The following C1QTNF8 variants were observed in gnomAD, a reference collection of about 807,000 sequenced individuals.
C1QTNF8 encodes C1q and TNF related 8.
A neutral mutation model predicts 19.2 loss-of-function variants in C1QTNF8; 27 were observed. The ratio of observed to expected loss-of-function variants is 1.41; its 90% CI spans 1.04 to 1.94. C1QTNF8 has a LOEUF of 1.94. Ranked by LOEUF, C1QTNF8 falls within the 30% of genes most tolerant of loss-of-function variation. The probability of loss-of-function intolerance (pLI) is 0.00; values close to 1 mark genes in which losing one functional copy is unlikely to be tolerated. For missense variants in C1QTNF8, 484 were observed against 374.4 expected (o/e 1.29, Z -2.42); for synonymous variants, 208 against 172.8 (o/e 1.20, Z -1.60).
intron 4 of C1QTNF8, among the ~76,000 whole-genome samples, chr16:1,090,832 G>A (rs1447622600): frequency 1.3e-5 from 2 of 152,232 alleles, no homozygotes; most frequent in Admixed American, 1.3e-4. Context: ...CAACAGGGAG[G>A]GTCACTGTTC....
intron 2 of C1QTNF8, among the ~76,000 whole-genome samples, chr16:1,095,259 G>A (rs1430559427): frequency 1.3e-5 from 2 of 152,224 alleles, no homozygotes; most frequent in South Asian, 2.1e-4. Flanking sequence ...ACTCAGGAGC[G>A]GGTAGCCGCC....
At position 1,093,621 on chromosome 16, in the gene C1QTNF8, C is replaced by A; in HGVS notation, c.639G>T (p.Ala213=). ...ACATGCGCACCCAGACGGCGTCGCCCGCCGCCAGCAGCAGCATCAGGCTCT... is the reference window on the plus strand; with the variant it reads ...ACATGCGCACCCAGACGGCGTCGCCAGCCGCCAGCAGCAGCATCAGGCTCT... The part of the protein sequence containing the change: ...QAQSLMLLLA[A]GDAVWVRMFQ... Residue 213 remains alanine, a synonymous_variant, in exon 4 of 5, where the codon GCG becomes GCT. Coordinates refer to ENST00000328449, the MANE Select transcript of C1QTNF8 (RefSeq NM_207419.3). The A allele has an allele frequency of 1.2e-6, 2 of 1,607,158 alleles. No individual in the cohort carries two copies. Among genetic ancestry groups the A allele is most frequent in the Non-Finnish European group, 1.7e-6 (2 of 1,177,076 alleles).
rs1166231806 is a variant in C1QTNF8 at position 1,094,042 on chromosome 16, C to A, written c.218G>T (p.Gly73Val). 3 of 1,460,628 alleles carry A rather than the reference C, an allele frequency of 2.1e-6. No individual in the cohort carries two copies. The highest frequency in any genetic ancestry group is 1.5e-5 in the African/African-American group (1 of 67,372). 90.5% of individuals were successfully genotyped at this position (1,460,628 alleles called of 1,614,324 possible). A position where few individuals can be genotyped will look rare whatever the true frequency, so the allele number is the denominator to read the frequency against. ...GGCCCGACCTCGGACGCCGGCCTCA[C>A]CCTTCTCACCTGCAGGGGACAAACG... ...IDIEILKGEKGEAGVRGRAGR... is the reference protein window; with the variant it reads ...IDIEILKGEKVEAGVRGRAGR... The change falls in exon 4 of 5, where the codon GGT (glycine) becomes GTT (valine). Residue 73 changes from glycine (G) to valine (V), a missense_variant. Physicochemically the swap from Gly to Val is moderately radical, Grantham distance 109. Transcript: ENST00000328449.
chr16:1,094,659 C>T (rs1045617224), intron 3 of C1QTNF8, 56 bp downstream of exon 3: 3 of 1,483,894 alleles, frequency 2.0e-6, no homozygotes, highest in African/African-American at 2.9e-5. Flanking sequence ...TCCCCACTCC[C>T]TGTGGGCTGT....
At position 1,094,001 on chromosome 16, in the gene C1QTNF8, C is replaced by G; in HGVS notation, c.259G>C (p.Glu87Gln). ...AGGCCCCGGGCGCCTGGCGGCCCCT[C>G]TTTCCCGCTCCTGCCGGCCCGACCT... Reference protein sequence around the residue: ...VRGRAGRSGKEGPPGARGLQG... With the variant: ...VRGRAGRSGKQGPPGARGLQG... The change falls in exon 4 of 5, where the codon GAG (glutamate) becomes CAG (glutamine). Residue 87 changes from glutamate to glutamine, a missense_variant. By Grantham distance (29) the Glu-to-Gln change is conservative. Transcript: ENST00000328449. The G allele has an allele frequency of 2.4e-5, 35 of 1,482,840 alleles. No homozygotes were observed. Among genetic ancestry groups the G allele is most frequent in the Non-Finnish European group, 2.9e-5 (33 of 1,133,338 alleles). The allele number at this position is 1,482,840 out of a possible 1,614,324, so 91.9% of individuals were successfully genotyped here. A position where few individuals can be genotyped will look rare whatever the true frequency, so the allele number is the denominator to read the frequency against.
At position 1,088,962 on chromosome 16, in the gene C1QTNF8, G is replaced by C. The variant is rs530037642; in HGVS notation, c.*1637C>G. The stretch of plus-strand genomic sequence containing the variant: ...TGGGTCCTTGGCTGGGCCTGGTGAC[G>C]GGCACTTTCTGAGCTCCCTGGTGCA... On this transcript the variant is annotated 3_prime_UTR_variant, in exon 5 of 5. Coordinates refer to ENST00000328449, the MANE Select transcript of C1QTNF8 (RefSeq NM_207419.3). 6.6e-6 allele frequency among the ~76,000 whole-genome samples: 1 copy of C among 152,136 alleles called. No homozygotes were observed. Among genetic ancestry groups the C allele is most frequent in the Admixed American group, 6.5e-5 (1 of 15,272 alleles).
intron 3 of C1QTNF8, 122 bp from the exon 4 acceptor site, chr16:1,094,173 C>T: frequency 1.3e-6 from 1 of 750,380 alleles, no homozygotes; most frequent in Non-Finnish European, 1.9e-6. Flanking sequence ...TTGCAAGTGA[C>T]GGCCCCTCTC....
Position 1,094,827 on chromosome 16 carries a change from C to T in C1QTNF8, c.96G>A (p.Pro32=), listed in dbSNP as rs149525134. 1.5e-4 allele frequency: 217 copies of T among 1,468,104 alleles called. No homozygotes were observed. The Middle Eastern group carries it at 2.0e-3, about 14-fold the overall frequency. The allele number at this position is 1,468,104 out of a possible 1,614,324, so 90.9% of individuals were successfully genotyped here. The change falls in exon 3 of 5, where the codon CCG becomes CCA. Residue 32 remains proline (P), a synonymous_variant. Coordinates refer to ENST00000328449, the MANE Select transcript of C1QTNF8 (RefSeq NM_207419.3). ...PRRPCVHCCR[P]AWPPGPYARV... Reference sequence around the variant, plus strand: ...GGGCATAGGGTCCAGGGGGCCAGGCCGGGCGGCAGCAGTGCACACAGGGCC... The same window carrying T: ...GGGCATAGGGTCCAGGGGGCCAGGCTGGGCGGCAGCAGTGCACACAGGGCC...
In C1QTNF8 at chr16:1,088,592, A is replaced by G. The variant is rs769380400; in HGVS notation, c.*2007T>C. ...TGGCAGAGAATCGTGACCGTATCTT[A>G]TCTCACTTTCAGTTCTCAGTCATTG... On this transcript the variant is annotated 3_prime_UTR_variant, in exon 5 of 5. Coordinates refer to ENST00000328449, the MANE Select transcript of C1QTNF8 (RefSeq NM_207419.3). Among the ~76,000 whole-genome samples the G allele has an allele frequency of 8.2e-4, 125 of 152,152 alleles. No individual in the cohort carries two copies. Among genetic ancestry groups the G allele is most frequent in the Middle Eastern group, 3.2e-3 (1 of 316 alleles).
chr16:1,089,464 G>A lies in C1QTNF8; in HGVS notation c.*1135C>T, dbSNP rs1960498806. On this transcript the variant is annotated 3_prime_UTR_variant, in exon 5 of 5. Transcript: ENST00000328449. Reference sequence around the variant, plus strand: ...CCCACTTGGGACCTGCAAGCCCAGGGCCCCTCACAGCTGCTCTGGGGTCCC... The same window carrying A: ...CCCACTTGGGACCTGCAAGCCCAGGACCCCTCACAGCTGCTCTGGGGTCCC... Among the ~76,000 whole-genome samples, 1 of 152,206 alleles carries A rather than the reference G, an allele frequency of 6.6e-6. No individual in the cohort carries two copies. The highest frequency in any genetic ancestry group is 6.5e-5 in the Admixed American group (1 of 15,286).
rs563437691 is a variant in C1QTNF8 at position 1,094,409 on chromosome 16, T to C, written c.208+306A>G. 1.1e-4 allele frequency among the ~76,000 whole-genome samples: 17 copies of C among 152,274 alleles called. No individual in the cohort carries two copies. In the East Asian group the frequency reaches 3.3e-3, roughly 29 times the overall value. On this transcript the variant is annotated intron_variant, in intron 3 of 4. Coordinates refer to ENST00000328449, the MANE Select transcript of C1QTNF8 (RefSeq NM_207419.3). ...GACAGCGCAGCCGTGTCAAGGGGTC[T>C]CAGAGCAAGCGGGCTGCCCAGGCTC...
chr16:1,093,952 C>CA lies in C1QTNF8; in HGVS notation c.307_308insT (p.Gly103ValfsTer272), dbSNP rs761987887. ...CGCGGCGCCCGGCGGCCCCACCTGCCCCTTCTGGCCTCTGCGGCCCTGCAG... is the reference window on the plus strand; with the variant it reads ...CGCGGCGCCCGGCGGCCCCACCTGCCACCTTCTGGCCTCTGCGGCCCTGCAG... On this transcript the variant is annotated frameshift_variant, in exon 4 of 5. Transcript: ENST00000328449. LOFTEE classifies it high-confidence loss of function. 1.5e-5 allele frequency: 22 copies of CA among 1,487,676 alleles called. No homozygotes were observed. In the Middle Eastern group the frequency reaches 6.0e-4, roughly 40 times the overall value. The allele number at this position is 1,487,676 out of a possible 1,614,324, so 92.2% of individuals were successfully genotyped here. A position where few individuals can be genotyped will look rare whatever the true frequency, so the allele number is the denominator to read the frequency against.
rs1040845125 is a variant in C1QTNF8, at chr16:1,093,733, T to C, written c.527A>G (p.Lys176Arg). 6.2e-7 allele frequency: 1 copy of C among 1,612,186 alleles called. No homozygotes were observed. Among genetic ancestry groups the C allele is most frequent in the Middle Eastern group, 1.7e-4 (1 of 6,058 alleles). ...LSLNVHTWNY[K>R]ETYLHIMLNR... ...CAGCATGATGTGCAGGTAGGTCTCC[T>C]TGTAGTTCCAGGTGTGCACGTTGAG... Residue 176 changes from lysine to arginine, a missense_variant, in exon 4 of 5, where the codon AAG (lysine) becomes AGG (arginine). Physicochemically the swap from Lys to Arg is conservative, Grantham distance 26. Coordinates refer to ENST00000328449, the MANE Select transcript of C1QTNF8 (RefSeq NM_207419.3).
At chr16:1,094,179 C>G (rs1014652309) in intron 3 of C1QTNF8, 128 bp from the exon 4 acceptor site, 1 of 698,982 alleles carries the variant, frequency 1.4e-6, no homozygotes, top group African/African-American at 1.9e-5. Flanking sequence ...GTGACGGCCC[C>G]TCTCCCAGTC....
At chr16:1,095,987 G>A (rs1011298422) in intron 1 of C1QTNF8, among the ~76,000 whole-genome samples, 169 bp downstream of exon 1, 1 of 152,156 alleles carries the variant, frequency 6.6e-6, no homozygotes, top group African/African-American at 2.4e-5. Flanking sequence ...GAGCCCCCAC[G>A]GAGTTCCCGG....
rs893062738 is a variant in C1QTNF8 at position 1,089,840 on chromosome 16, C to T, written c.*759G>A. The stretch of plus-strand genomic sequence containing the variant: ...GGCCCACCCCTTCCTGTTCGGGCGC[C>T]TTTCTCTCTAAGGCGGAAGCCTCTG... On this transcript the variant is annotated 3_prime_UTR_variant, in exon 5 of 5. Coordinates refer to ENST00000328449, the MANE Select transcript of C1QTNF8 (RefSeq NM_207419.3). Among the ~76,000 whole-genome samples the T allele has an allele frequency of 6.6e-6, 1 of 152,178 alleles. No homozygotes were observed. The highest frequency in any genetic ancestry group is 2.4e-5 in the African/African-American group (1 of 41,458).
In C1QTNF8 at chr16:1,094,932, G is replaced by A. The variant is rs755849172; in HGVS notation, c.-10C>T. Reference sequence around the variant, plus strand: ...GGGCGGGGGCTGCCATCTTGGCCAGGGCTGGGGGAGAGGAAAGAGGGGAGG... The same window carrying A: ...GGGCGGGGGCTGCCATCTTGGCCAGAGCTGGGGGAGAGGAAAGAGGGGAGG... On this transcript the variant is annotated splice_region_variant and 5_prime_UTR_variant, in exon 3 of 5. Coordinates refer to ENST00000328449, the MANE Select transcript of C1QTNF8 (RefSeq NM_207419.3). 8.6e-6 allele frequency: 11 copies of A among 1,275,650 alleles called. No homozygotes were observed. The South Asian group carries it at 2.5e-4, about 29-fold the overall frequency. The allele number at this position is 1,275,650 out of a possible 1,614,324, so 79.0% of individuals were successfully genotyped here. A position where few individuals can be genotyped will look rare whatever the true frequency, so the allele number is the denominator to read the frequency against.
rs909505091 is a variant in C1QTNF8, at chr16:1,089,744, G to T, written c.*855C>A. 6.6e-6 allele frequency among the ~76,000 whole-genome samples: 1 copy of T among 152,030 alleles called. No individual in the cohort carries two copies. Among genetic ancestry groups the T allele is most frequent in the Non-Finnish European group, 1.5e-5 (1 of 67,990 alleles). On this transcript the variant is annotated 3_prime_UTR_variant, in exon 5 of 5. Coordinates refer to ENST00000328449, the MANE Select transcript of C1QTNF8 (RefSeq NM_207419.3). The stretch of plus-strand genomic sequence containing the variant: ...CTGGCACCTCTTAGCGCCACCGGCC[G>T]TCAGCACACGGGGTAGGGCTGGGGG...
In C1QTNF8 at chr16:1,093,917, C is replaced by T; in HGVS notation, c.343G>A (p.Ala115Thr). The T allele has an allele frequency of 8.5e-6, 13 of 1,525,666 alleles. No individual in the cohort carries two copies. The highest frequency in any genetic ancestry group is 1.1e-5 in the Non-Finnish European group (13 of 1,148,102). 94.5% of individuals were successfully genotyped at this position (1,525,666 alleles called of 1,614,324 possible). A position where few individuals can be genotyped will look rare whatever the true frequency, so the allele number is the denominator to read the frequency against. ...CGGCCCACGGAGAAGGCGGCGTAGG[C>T]ACGTCGGCACGCGGCGCCCGGCGGC... is the stretch of plus-strand genomic sequence containing the variant. The part of the protein sequence containing the change: ...VGPPGAACRR[A>T]YAAFSVGRRE... The change falls in exon 4 of 5, where the codon GCC (alanine) becomes ACC (threonine). Residue 115 changes from alanine (A) to threonine (T), a missense_variant. Physicochemically the swap from Ala to Thr is moderately conservative, Grantham distance 58. Transcript: ENST00000328449.
Sources: gnomAD v4.1 joint callset for allele counts (sites outside exome capture counted in the v4.1 genomes callset) on GRCh38, gnomAD v4.1.1 for gene constraint, MANE v1.5 for transcripts, NCBI Gene and HGNC (gene_info 2026-07-23, HGNC 2026-07-21) for gene names.